Variants in ZFC3H1 observed in about 807,000 individuals in gnomAD.
ZFC3H1 encodes zinc finger C3H1-type containing, also known as zinc finger C3H1 domain-containing protein.
A neutral mutation model predicts 243.7 loss-of-function variants in ZFC3H1; 71 were observed. The ratio of observed to expected loss-of-function variants is 0.29; its 90% CI spans 0.24 to 0.36. The LOEUF is 0.36. Ranked by LOEUF, ZFC3H1 falls within the 10% of genes least tolerant of loss-of-function variation. The pLI is 1.00. For synonymous variants in ZFC3H1, 838 were observed against 813.0 expected (o/e 1.03, Z -0.52); for missense variants, 1,966 against 2,317.1 (o/e 0.85, Z 3.11).
At position 71,659,092 on chromosome 12, in the gene ZFC3H1, G is replaced by A. The variant is rs184580555; in HGVS notation, c.599-1791C>T. On this transcript the variant is annotated intron_variant, in intron 1 of 34. Transcript: ENST00000378743. ...CCATTGAGTCTTTTCTCTCTAACTT[G>A]TGAAATAATGGTGCTCTTCAGGGAG... 2.0e-3 allele frequency among the ~76,000 whole-genome samples: 307 copies of A among 151,990 alleles called. 2 individuals carry two copies. Among genetic ancestry groups the A allele is most frequent in the African/African-American group, 6.9e-3 (286 of 41,426 alleles).
intron 6 of ZFC3H1, among the ~76,000 whole-genome samples, chr12:71,638,816 T>C (rs1176472127): frequency 6.6e-6 from 1 of 151,036 alleles, no homozygotes; most frequent in Non-Finnish European, 1.5e-5. Flanking sequence ...AAACATACTT[T>C]AAAAAAACAA....
intron 8 of ZFC3H1, 67 bp from the exon 9 acceptor site, chr12:71,636,721 T>C (rs1439447002): frequency 6.4e-6 from 10 of 1,560,120 alleles, no homozygotes; most frequent in Non-Finnish European, 8.6e-6. Context: ...CCTTTAAAAA[T>C]CTTGAGCATG....
chr12:71,632,427 A>T lies in ZFC3H1; in HGVS notation c.2905T>A (p.Leu969Ile). 1 of 1,610,338 alleles carries T rather than the reference A, an allele frequency of 6.2e-7. No homozygotes were observed. The highest frequency in any genetic ancestry group is 8.5e-7 in the Non-Finnish European group (1 of 1,179,784). ...AELIAMEKRR[L>I]QKLEYEYALK... ...GCATATTCATATTCTAGCTTTTGTA[A>T]CCGTCTTTTCTCCATAGCAATTAGT... Residue 969 changes from leucine (L) to isoleucine (I), a missense_variant, in exon 15 of 35, where the codon TTA becomes ATA. By Grantham distance (5) the Leu-to-Ile change is conservative (BLOSUM62 2). Coordinates refer to ENST00000378743, the MANE Select transcript of ZFC3H1 (RefSeq NM_144982.5).
rs192290721 is a variant in ZFC3H1, at chr12:71,616,767, C to T, written c.5145-1451G>A. Among the ~76,000 whole-genome samples the T allele has an allele frequency of 1.9e-3, 283 of 152,134 alleles. 1 individual carries two copies. Among genetic ancestry groups the T allele is most frequent in the African/African-American group, 6.3e-3 (263 of 41,496 alleles). Reference sequence around the variant, plus strand: ...AGACGGGCTGTATGGGGGGCAAACACAAGAAAGAGAAGAAATAGAACATCT... The same window carrying T: ...AGACGGGCTGTATGGGGGGCAAACATAAGAAAGAGAAGAAATAGAACATCT... On this transcript the variant is annotated intron_variant, in intron 27 of 34. Transcript: ENST00000378743.
chr12:71,662,527 GAATA>G (rs1881210037), intron 1 of ZFC3H1, among the ~76,000 whole-genome samples: 1 of 143,466 alleles, frequency 7.0e-6, no homozygotes, highest in Non-Finnish European at 1.5e-5. Flanking sequence ...GCAGCAACCG[GAATA>G]AATCAAGATA....
chr12:71,659,881 T>C (rs894920067), intron 1 of ZFC3H1, among the ~76,000 whole-genome samples: 8 of 152,220 alleles, frequency 5.3e-5, no homozygotes, highest in Admixed American at 1.3e-4. Context: ...CTAGCCTAAT[T>C]ATGTTAGCTC....
Position 71,611,907 on chromosome 12 carries a change from A to G in ZFC3H1, c.5628-20T>C. On this transcript the variant is annotated intron_variant, in intron 31 of 34. Coordinates refer to ENST00000378743, the MANE Select transcript of ZFC3H1 (RefSeq NM_144982.5). ...AGTAACCTGTAAAGTACATTCAGGA[A>G]AATGAACAAAGCATTGCAAGTGTAA... The G allele has an allele frequency of 6.6e-7, 1 of 1,518,238 alleles. No homozygotes were observed. Among genetic ancestry groups the G allele is most frequent in the Non-Finnish European group, 9.0e-7 (1 of 1,107,054 alleles). The allele number at this position is 1,518,238 out of a possible 1,614,324, so 94.0% of individuals were successfully genotyped here.
At chr12:71,649,244 T>C (rs1385889346) in intron 2 of ZFC3H1, among the ~76,000 whole-genome samples, 2 of 152,130 alleles carry the variant, frequency 1.3e-5, no homozygotes, top group South Asian at 4.1e-4. Context: ...ACAAACAACA[T>C]ATACTTCAAA....
At position 71,663,046 on chromosome 12, in the gene ZFC3H1, T is replaced by G; in HGVS notation, c.565A>C (p.Ser189Arg). ...GAGSGFSSSQ[S>R]WREPSPPRKS... is the part of the protein sequence containing the mutation. ...CGAGGTGGAGAGGGCTCTCGCCAGCTCTGACTGCTGCTGAACCCGGATCCT... is the reference window on the plus strand; with the variant it reads ...CGAGGTGGAGAGGGCTCTCGCCAGCGCTGACTGCTGCTGAACCCGGATCCT... Residue 189 changes from serine to arginine, a missense_variant, in exon 1 of 35, where the codon AGC (serine) becomes CGC (arginine). By Grantham distance (110) the Ser-to-Arg change is moderately radical (BLOSUM62 -1). Coordinates refer to ENST00000378743, the MANE Select transcript of ZFC3H1 (RefSeq NM_144982.5). 6.2e-7 allele frequency: 1 copy of G among 1,612,498 alleles called. No homozygotes were observed. The highest frequency in any genetic ancestry group is 8.5e-7 in the Non-Finnish European group (1 of 1,179,596).
Position 71,630,945 on chromosome 12 carries a change from T to C in ZFC3H1, c.3480A>G (p.Pro1160=), listed in dbSNP as rs79121655. 336 of 1,611,146 alleles carry C rather than the reference T, an allele frequency of 2.1e-4. No individual in the cohort carries two copies. In the East Asian group the frequency reaches 6.6e-3, roughly 32 times the overall value. ...GAAGTTTTTCCTTGGTTCGATAATATGGACTAAATCTAAGGTGAAGAGAGT... is the reference window on the plus strand; with the variant it reads ...GAAGTTTTTCCTTGGTTCGATAATACGGACTAAATCTAAGGTGAAGAGAGT... The part of the protein sequence containing the change: ...LLVFKSYRFS[P]YYRTKEKLPL... Residue 1160 remains proline (P), a synonymous_variant, in exon 17 of 35, where the codon CCA becomes CCG. Coordinates refer to ENST00000378743, the MANE Select transcript of ZFC3H1 (RefSeq NM_144982.5).
chr12:71,620,653 A>T (rs569698570), intron 24 of ZFC3H1, among the ~76,000 whole-genome samples: 1 of 152,296 alleles, frequency 6.6e-6, no homozygotes, highest in South Asian at 2.1e-4. Context: ...AAAAAAAATT[A>T]CAGAATAAAT....
At chr12:71,619,291 C>T in intron 27 of ZFC3H1, 24 bp downstream of exon 27, 1 of 1,604,490 alleles carries the variant, frequency 6.2e-7, no homozygotes, top group Non-Finnish European at 8.5e-7. Context: ...CATTCCTCTA[C>T]AAACTAAGAA....
chr12:71,621,435 T>C (rs567397990), intron 24 of ZFC3H1, among the ~76,000 whole-genome samples: 3 of 152,002 alleles, frequency 2.0e-5, no homozygotes, highest in African/African-American at 2.4e-5. Flanking sequence ...TCCCGAGTAG[T>C]TGGGATTACA....
intron 32 of ZFC3H1, 61 bp downstream of exon 32, chr12:71,611,725 G>A: frequency 1.1e-6 from 1 of 929,940 alleles, no homozygotes; most frequent in South Asian, 1.6e-5. Flanking sequence ...TTACCTGTCT[G>A]GAGCAAACCT....
intron 24 of ZFC3H1, among the ~76,000 whole-genome samples, chr12:71,621,388 C>G (rs977561666): frequency 2.6e-5 from 4 of 151,750 alleles, no homozygotes; most frequent in Non-Finnish European, 5.9e-5. Flanking sequence ...ACTGCAACCT[C>G]TGCCTCCTGG....
chr12:71,642,386 C>T, intron 6 of ZFC3H1, 50 bp downstream of exon 6: 3 of 1,556,828 alleles, frequency 1.9e-6, no homozygotes, highest in East Asian at 2.3e-5. Context: ...AATGACTATT[C>T]TCTATTTAAT....
At chr12:71,648,701 T>C (rs1464047549) in intron 2 of ZFC3H1, among the ~76,000 whole-genome samples, 1 of 152,132 alleles carries the variant, frequency 6.6e-6, no homozygotes, top group Non-Finnish European at 1.5e-5. Flanking sequence ...TCAATGTAAA[T>C]AGAAGGCAAT....
At chr12:71,610,588 G>T in intron 34 of ZFC3H1, 23 bp from the exon 35 acceptor site, 1 of 1,612,806 alleles carries the variant, frequency 6.2e-7, no homozygotes, top group South Asian at 1.1e-5. Context: ...GGGAAGCATA[G>T]AAGTAAGACT....
At chr12:71,658,520 C>T (rs966386986) in intron 1 of ZFC3H1, among the ~76,000 whole-genome samples, 1 of 151,906 alleles carries the variant, frequency 6.6e-6, no homozygotes, top group East Asian at 1.9e-4. Context: ...AAATCCTGAC[C>T]TCAGGTAATC....
Sources: gnomAD v4.1 joint callset for allele counts (sites outside exome capture counted in the v4.1 genomes callset) on GRCh38, gnomAD v4.1.1 for gene constraint, MANE v1.5 for transcripts, NCBI Gene and HGNC (gene_info 2026-07-23, HGNC 2026-07-21) for gene names.